GUCY2D: variants seen among roughly 807,000 people sequenced by gnomAD.
The protein encoded by GUCY2D is retinal guanylyl cyclase 1.
In GUCY2D, 70 loss-of-function variants were observed where a neutral mutation model predicts 101.3. The ratio of observed to expected loss-of-function variants is 0.69; its 90% confidence interval spans 0.57 to 0.84. The LOEUF (loss-of-function observed/expected upper bound fraction) is 0.84, where lower values mean the gene tolerates loss of function less well. Ranked by LOEUF, GUCY2D falls within the 40% of genes least tolerant of loss-of-function variation. The pLI, the probability that GUCY2D is intolerant of heterozygous loss-of-function variation, is 0.00. For missense variants in GUCY2D, 1,460 were observed against 1,542.5 expected, an observed-to-expected ratio of 0.95 and a Z score of 0.90; for synonymous variants, 688 against 670.7, an observed-to-expected ratio of 1.03 and a Z score of -0.40.
chr17:8,009,677 G>A, intron 8 of GUCY2D, 91 bp downstream of exon 8: 1 of 858,584 alleles, frequency 1.2e-6, no homozygotes, highest in Non-Finnish European at 2.0e-6. Flanking sequence ...GTAGGTCTCA[G>A]TTAAGTGTCC....
chr17:8,006,772 G>GA (rs1975753061), intron 4 of GUCY2D, 58 bp downstream of exon 4: 3 of 1,408,656 alleles, frequency 2.1e-6, no homozygotes, highest in Non-Finnish European at 3.0e-6. Flanking sequence ...TCCACAAAGT[G>GA]ATGAAAGAGA....
In GUCY2D at chr17:8,007,292, G is replaced by C. The variant is rs1359894055; in HGVS notation, c.1464-134G>C. ...TCTGGTGGGCTGGTAGAGTCCCAGGGGATGTGTGCTTTGGGGATGGCTGCC... is the reference window on the plus strand; with the variant it reads ...TCTGGTGGGCTGGTAGAGTCCCAGGCGATGTGTGCTTTGGGGATGGCTGCC... On this transcript the variant is annotated intron_variant, in intron 5 of 19. Coordinates refer to ENST00000254854, the MANE Select transcript of GUCY2D (RefSeq NM_000180.4). The C allele has an allele frequency of 4.5e-6, 4 of 892,542 alleles. No homozygotes were observed. In the African/African-American group the frequency reaches 6.5e-5, roughly 15 times the overall value. The allele number at this position is 892,542 out of a possible 1,614,324, so 55.3% of individuals were successfully genotyped here. A position where few individuals can be genotyped will look rare whatever the true frequency, so the allele number is the denominator to read the frequency against.
intron 5 of GUCY2D, 133 bp from the exon 6 acceptor site, chr17:8,007,293 G>C: frequency 1.1e-6 from 1 of 892,438 alleles, no homozygotes; most frequent in Non-Finnish European, 1.9e-6. Context: ...AGTCCCAGGG[G>C]ATGTGTGCTT....
rs1975650051 is a variant in GUCY2D at position 8,002,816 on chromosome 17, C to G, written c.-10+82C>G. The G allele has an allele frequency of 3.8e-6, 2 of 521,906 alleles. No homozygotes were observed. The highest frequency in any genetic ancestry group is 4.1e-5 in the African/African-American group (2 of 49,054). 32.3% of individuals were successfully genotyped at this position (521,906 alleles called of 1,614,324 possible). The stretch of plus-strand genomic sequence containing the variant: ...CCCTGCTGACCCCTGACGCCTCCGA[C>G]GGGGGGAGGGGCAGGCCGGGTGGGA... On this transcript the variant is annotated intron_variant, in intron 1 of 19. Transcript: ENST00000254854. The surrounding 1 kb of genome is among the most constrained non-coding windows in gnomAD (Gnocchi z 4.9).
chr17:8,018,559 T>G (rs1976017611), intron 19 of GUCY2D, among the ~76,000 whole-genome samples: 2 of 152,172 alleles, frequency 1.3e-5, no homozygotes, highest in Admixed American at 1.3e-4. Flanking sequence ...CATTTAAAAA[T>G]CAACAGCTTC....
Position 8,002,982 on chromosome 17 carries a change from G to A in GUCY2D, c.-9-57G>A. ...TTGGAGAAACTCGGGGTTACGGGGA[G>A]AACCCTAGGGGAGGCCGGGGTCTCA... On this transcript the variant is annotated intron_variant, in intron 1 of 19. Transcript: ENST00000254854. This position sits in a 1 kb window ranked among gnomAD's most constrained non-coding sequence, Gnocchi z 4.9. The A allele has an allele frequency of 7.4e-7, 1 of 1,346,192 alleles. No individual in the cohort carries two copies. Among genetic ancestry groups the A allele is most frequent in the Non-Finnish European group, 1.0e-6 (1 of 988,862 alleles). The allele number at this position is 1,346,192 out of a possible 1,614,324, so 83.4% of individuals were successfully genotyped here.
rs1162194690 is a variant in GUCY2D at position 8,016,002 on chromosome 17, G to C, written c.3119G>C (p.Arg1040Pro). 1 of 1,609,200 alleles carries C rather than the reference G, an allele frequency of 6.2e-7. No individual in the cohort carries two copies. Among genetic ancestry groups the C allele is most frequent in the East Asian group, 2.2e-5 (1 of 44,694 alleles). ...ALDSGYQVEL[R>P]GRTELKGKGA... ...GACTCGGGCTACCAGGTGGAGCTGC[G>C]AGGCCGCACGGAGCTGAAGGTGAGG... The change falls in exon 17 of 20, where the codon CGA becomes CCA. Residue 1040 changes from arginine (R) to proline (P), a missense_variant. Around this residue, in one of 3 missense-constraint regions of GUCY2D, gnomAD observed 215 missense variants for 227.9 expected, o/e 0.94. Coordinates refer to ENST00000254854, the MANE Select transcript of GUCY2D (RefSeq NM_000180.4).
chr17:8,008,156 G>A, intron 7 of GUCY2D, 124 bp downstream of exon 7: 1 of 717,640 alleles, frequency 1.4e-6, no homozygotes, highest in Non-Finnish European at 2.5e-6. Context: ...CCAGGAGATG[G>A]GGGATGGGAG....
rs774240595 is a variant in GUCY2D at position 8,015,451 on chromosome 17, A to C, written c.2893A>C (p.Met965Leu). ...CCTCAGTGCCGTGGGCACTTTCCGC[A>C]TGCGCCATATGCCTGAGGTTCCCGT... ...DILSAVGTFRMRHMPEVPVRI... is the reference protein window; with the variant it reads ...DILSAVGTFRLRHMPEVPVRI... Residue 965 changes from methionine to leucine, a missense_variant, in exon 15 of 20, where the codon ATG becomes CTG. Met to Leu is a conservative substitution (Grantham distance 15). Transcript: ENST00000254854. 1 of 1,613,818 alleles carries C rather than the reference A, an allele frequency of 6.2e-7. No individual in the cohort carries two copies. The highest frequency in any genetic ancestry group is 2.2e-5 in the East Asian group (1 of 44,880).
chr17:8,015,080 G>C (rs374636320), intron 14 of GUCY2D, 29 bp downstream of exon 14: 10 of 1,588,940 alleles, frequency 6.3e-6, no homozygotes, highest in East Asian at 2.2e-5. Context: ...AAGCCCTCCT[G>C]ACCTTCAATT....
At chr17:8,019,651 G>C (rs1164779601) in intron 19 of GUCY2D, among the ~76,000 whole-genome samples, 1 of 152,228 alleles carries the variant, frequency 6.6e-6, no homozygotes, top group Non-Finnish European at 1.5e-5. Context: ...TCCTTTCTCT[G>C]TTCCTGCCTC....
In GUCY2D at chr17:8,013,769, C is replaced by A. The variant is rs910227795; in HGVS notation, c.2264-111C>A. ...ACACTGAACCTCTGATGTAAAGAAACCCCTGCCAGGCACCCCCTCCCACAT... is the reference window on the plus strand; with the variant it reads ...ACACTGAACCTCTGATGTAAAGAAAACCCTGCCAGGCACCCCCTCCCACAT... On this transcript the variant is annotated intron_variant, in intron 11 of 19. Transcript: ENST00000254854. This position sits in a 1 kb window ranked among gnomAD's most constrained non-coding sequence, Gnocchi z 5.0. The A allele has an allele frequency of 7.1e-6, 6 of 846,992 alleles. No individual in the cohort carries two copies. The highest frequency in any genetic ancestry group is 3.3e-5 in the African/African-American group (2 of 60,610). The allele number at this position is 846,992 out of a possible 1,614,324, so 52.5% of individuals were successfully genotyped here.
In GUCY2D at chr17:8,008,814, C is replaced by T. The variant is rs149149530; in HGVS notation, c.1669-692C>T. Reference sequence around the variant, plus strand: ...AGTTTTTGTGACAGTTAAAACTTTCCCCACATTTATTTCCAAATGCTCCTT... The same window carrying T: ...AGTTTTTGTGACAGTTAAAACTTTCTCCACATTTATTTCCAAATGCTCCTT... On this transcript the variant is annotated intron_variant, in intron 7 of 19. Coordinates refer to ENST00000254854, the MANE Select transcript of GUCY2D (RefSeq NM_000180.4). Among the ~76,000 whole-genome samples the T allele has an allele frequency of 1.6e-3, 242 of 152,308 alleles. 7 individuals carry two copies. The East Asian group carries it at 0.041, about 26-fold the overall frequency.
rs1278187260 is a variant in GUCY2D at position 8,016,143 on chromosome 17, T to TCGAGATC, written c.3139-60_3139-54dup. On this transcript the variant is annotated intron_variant, in intron 17 of 19. Coordinates refer to ENST00000254854, the MANE Select transcript of GUCY2D (RefSeq NM_000180.4). ...CCTGGTCTCCCAGTTCCACGCAGAC[T>TCGAGATC]CGAGATCCCCCACCCCTCACCCCAG... 7.4e-6 allele frequency: 10 copies of TCGAGATC among 1,347,478 alleles called. No homozygotes were observed. The South Asian group carries it at 1.2e-4, about 17-fold the overall frequency. The allele number at this position is 1,347,478 out of a possible 1,614,324, so 83.5% of individuals were successfully genotyped here. A position where few individuals can be genotyped will look rare whatever the true frequency, so the allele number is the denominator to read the frequency against.
intron 19 of GUCY2D, among the ~76,000 whole-genome samples, chr17:8,019,515 T>C (rs774903867): frequency 1.3e-5 from 2 of 152,150 alleles, no homozygotes; most frequent in Non-Finnish European, 2.9e-5. Context: ...CCAGATGTGA[T>C]AGAAGAGCCC....
In GUCY2D at chr17:8,013,926, G is replaced by C. The variant is rs1975907634; in HGVS notation, c.2310G>C (p.Leu770Phe). The C allele has an allele frequency of 6.2e-7, 1 of 1,613,316 alleles. No homozygotes were observed. Among genetic ancestry groups the C allele is most frequent in the Admixed American group, 1.7e-5 (1 of 60,010 alleles). Residue 770 changes from leucine (L) to phenylalanine (F), a missense_variant, in exon 12 of 20, where the codon TTG (leucine) becomes TTC (phenylalanine). Around this residue, in one of 3 missense-constraint regions of GUCY2D, gnomAD observed 1,196 missense variants for 1,229.6 expected, o/e 0.97. Coordinates refer to ENST00000254854, the MANE Select transcript of GUCY2D (RefSeq NM_000180.4). The surrounding 1 kb of genome is among the most constrained non-coding windows in gnomAD (Gnocchi z 5.0). ...VRSPPPLCRP[L>F]VSMDQAPVEC... ...GCCCCCCTCCACTGTGTCGGCCCTT[G>C]GTGTCCATGGACCAGGCACCTGTCG...
intron 18 of GUCY2D, 65 bp downstream of exon 18, chr17:8,016,355 A>G: frequency 7.0e-7 from 1 of 1,437,492 alleles, no homozygotes; most frequent in Middle Eastern, 1.8e-4. Flanking sequence ...TCTGTGTCTG[A>G]CCCCCCGCGC....
chr17:8,013,956 T>C lies in GUCY2D; in HGVS notation c.2340T>C (p.Cys780=), dbSNP rs1478668027. 6 of 1,613,586 alleles carry C rather than the reference T, an allele frequency of 3.7e-6. No homozygotes were observed. In the African/African-American group the frequency reaches 6.7e-5, roughly 18 times the overall value. ...LVSMDQAPVE[C]ILLMKQCWAE... ...CCATGGACCAGGCACCTGTCGAGTG[T>C]ATCCTCCTGATGAAGCAGTGCTGGG... Residue 780 remains cysteine (C), a synonymous_variant, in exon 12 of 20, where the codon TGT becomes TGC. Transcript: ENST00000254854. This position sits in a 1 kb window ranked among gnomAD's most constrained non-coding sequence, Gnocchi z 5.0.
chr17:8,011,100 CG>C lies in GUCY2D; in HGVS notation c.1750-1041del, dbSNP rs199817768. On this transcript the variant is annotated intron_variant, in intron 8 of 19. Coordinates refer to ENST00000254854, the MANE Select transcript of GUCY2D (RefSeq NM_000180.4). This position sits in a 1 kb window ranked among gnomAD's most constrained non-coding sequence, Gnocchi z 4.3. ...CTTTGAAAGTGGCACAGCTTCAGGC[CG>C]GGCACCGTGGCTCACGCCTGTAATC... 4.0e-5 allele frequency among the ~76,000 whole-genome samples: 6 copies of C among 151,792 alleles called. No homozygotes were observed. In the East Asian group the frequency reaches 1.2e-3, roughly 30 times the overall value.
Sources: gnomAD v4.1 joint callset for allele counts (sites outside exome capture counted in the v4.1 genomes callset) on GRCh38, gnomAD v4.1.1 for gene constraint, gnomAD v4.1.1 regional missense constraint, Gnocchi (gnomAD v3.1) non-coding constraint, MANE v1.5 for transcripts, NCBI Gene and HGNC (gene_info 2026-07-23, HGNC 2026-07-21) for gene names.